Variants in XRN1 observed in about 807,000 individuals in gnomAD.
XRN1 encodes 5'-3' exoribonuclease 1.
In XRN1, 67 loss-of-function variants were observed where a neutral mutation model predicts 222.3. The ratio of observed to expected loss-of-function variants is 0.30; its 90% CI spans 0.25 to 0.37. The LOEUF is 0.37. Among genes scored for constraint, XRN1 ranks in the 10% least tolerant of loss-of-function variants. The pLI, the probability that XRN1 is intolerant of heterozygous loss-of-function variation, is 1.00. For synonymous variants in XRN1, 643 were observed against 652.4 expected (o/e 0.99, Z 0.22); for missense variants, 1,707 against 2,000.2 (o/e 0.85, Z 2.80).
At chr3:142,383,544 G>A in intron 21 of XRN1, 131 bp from the exon 22 acceptor site, 2 of 746,452 alleles carry the variant, frequency 2.7e-6, no homozygotes, top group Admixed American at 2.9e-5. Flanking sequence ...AATGCCAAGA[G>A]CTAAAATTTG....
At chr3:142,362,206 C>T (rs558860976) in intron 29 of XRN1, among the ~76,000 whole-genome samples, 89 of 152,032 alleles carry the variant, frequency 5.9e-4, no homozygotes, top group African/African-American at 1.8e-3. Flanking sequence ...GGCATGATCT[C>T]GGCTCACTGC....
intron 32 of XRN1, among the ~76,000 whole-genome samples, chr3:142,352,685 G>A (rs1044788683): frequency 7.4e-4 from 113 of 152,090 alleles, no homozygotes; most frequent in African/African-American, 2.5e-3. Flanking sequence ...TGTCATCCAG[G>A]CTGGAGAGCA....
chr3:142,367,069 C>T (rs1430635245), intron 27 of XRN1, among the ~76,000 whole-genome samples: 1 of 152,160 alleles, frequency 6.6e-6, no homozygotes, highest in Non-Finnish European at 1.5e-5. Context: ...AGGTGGATCA[C>T]CTGAAGTCAG....
intron 32 of XRN1, among the ~76,000 whole-genome samples, chr3:142,351,628 G>C (rs770710616): frequency 6.6e-6 from 1 of 151,892 alleles, no homozygotes; most frequent in Non-Finnish European, 1.5e-5. Context: ...ACTCCCTCCC[G>C]CTCTCTTAAT....
intron 15 of XRN1, among the ~76,000 whole-genome samples, chr3:142,407,015 T>C (rs996463478): frequency 6.6e-6 from 1 of 152,226 alleles, no homozygotes; most frequent in East Asian, 1.9e-4. Context: ...ATTCACTCCT[T>C]GAAAACAGTG....
intron 35 of XRN1, 74 bp downstream of exon 35, chr3:142,332,893 C>G: frequency 6.4e-7 from 1 of 1,554,932 alleles, no homozygotes; most frequent in Non-Finnish European, 8.7e-7. Flanking sequence ...TGTTTGAACA[C>G]TTGCATGGGA....
intron 32 of XRN1, among the ~76,000 whole-genome samples, chr3:142,349,059 C>T (rs1449448042): frequency 2.0e-5 from 3 of 152,050 alleles, no homozygotes; most frequent in African/African-American, 4.8e-5. Flanking sequence ...TTCAAGTGAT[C>T]CTCCTGCCTC....
intron 19 of XRN1, among the ~76,000 whole-genome samples, chr3:142,399,669 GA>G (rs1338639106): frequency 1.3e-5 from 2 of 150,832 alleles, no homozygotes; most frequent in Non-Finnish European, 3.0e-5. Flanking sequence ...GCCAACAAAG[GA>G]AAAAAACCGT....
intron 13 of XRN1, 124 bp downstream of exon 13, chr3:142,417,016 G>T (rs2068814561): frequency 2.4e-5 from 7 of 294,592 alleles, no homozygotes; most frequent in Admixed American, 1.4e-4. Context: ...GCAACAGAGT[G>T]AAAAAAAAAA....
rs771801638 is a variant in XRN1, at chr3:142,418,900, C to A, written c.1174-19G>T. 4.3e-6 allele frequency: 7 copies of A among 1,610,316 alleles called. No homozygotes were observed. In the South Asian group the frequency reaches 6.6e-5, roughly 15 times the overall value. ...CCTGGCCCTGTAAATTGTAAATCAA[C>A]ATAAAATGAATGGCAAGATACATTT... On this transcript the variant is annotated intron_variant, in intron 10 of 40. Coordinates refer to ENST00000392981, the MANE Select transcript of XRN1 (RefSeq NM_001282857.2).
intron 20 of XRN1, among the ~76,000 whole-genome samples, chr3:142,385,011 T>C (rs954921904): frequency 6.6e-6 from 1 of 152,160 alleles, no homozygotes; most frequent in Non-Finnish European, 1.5e-5. Context: ...AACTGGAACA[T>C]CTGTACATTA....
At chr3:142,349,424 G>A (rs2066243567) in intron 32 of XRN1, among the ~76,000 whole-genome samples, 1 of 151,920 alleles carries the variant, frequency 6.6e-6, no homozygotes, top group Non-Finnish European at 1.5e-5. Flanking sequence ...TATGTGCCAG[G>A]TATGGTAAAT....
intron 37 of XRN1, among the ~76,000 whole-genome samples, chr3:142,321,543 T>G (rs1053273522): frequency 2.6e-5 from 4 of 152,196 alleles, no homozygotes; most frequent in African/African-American, 9.7e-5. Context: ...TGCACTGAAT[T>G]TGTAGACTGC....
intron 1 of XRN1, among the ~76,000 whole-genome samples, chr3:142,442,895 G>A (rs1019050568): frequency 6.6e-6 from 1 of 152,074 alleles, no homozygotes; most frequent in Admixed American, 6.5e-5. Context: ...CACGACGCCC[G>A]GCTAATTTTT....
At chr3:142,431,907 TA>T (rs1269234530) in intron 2 of XRN1, among the ~76,000 whole-genome samples, 20 of 46,186 alleles carry the variant, frequency 4.3e-4, no homozygotes, top group African/African-American at 1.9e-3. Flanking sequence ...ATATATTATA[TA>T]TATAAATATA....
In XRN1 at chr3:142,365,159, T is replaced by C; in HGVS notation, c.3282A>G (p.Gly1094=). 2 of 1,612,344 alleles carry C rather than the reference T, an allele frequency of 1.2e-6. No individual in the cohort carries two copies. Among genetic ancestry groups the C allele is most frequent in the Non-Finnish European group, 1.7e-6 (2 of 1,179,236 alleles). The change falls in exon 29 of 41, where the codon GGA becomes GGG. Residue 1094 remains glycine, a synonymous_variant. Transcript: ENST00000392981. ...ATTCTGCATCCCGATCAGGAATGAC[T>C]CCATGTTGCTGTTCTAAAGGCTGAA... ...LLYRPLEQQH[G]VIPDRDAEFC...
At chr3:142,366,663 T>TC (rs1162954432) in intron 27 of XRN1, among the ~76,000 whole-genome samples, 1 of 152,080 alleles carries the variant, frequency 6.6e-6, no homozygotes, top group Non-Finnish European at 1.5e-5. Flanking sequence ...GAGTGAACAG[T>TC]GAAGGCCTTA....
intron 8 of XRN1, among the ~76,000 whole-genome samples, chr3:142,422,209 C>T (rs962024399): frequency 2.0e-5 from 3 of 152,050 alleles, no homozygotes; most frequent in African/African-American, 7.2e-5. Flanking sequence ...GTGACACATG[C>T]CTGTAATCCC....
At chr3:142,341,355 A>G (rs2065989013) in intron 33 of XRN1, among the ~76,000 whole-genome samples, 1 of 152,130 alleles carries the variant, frequency 6.6e-6, no homozygotes, top group African/African-American at 2.4e-5. Context: ...CCTTCACTAA[A>G]AGGAAGCTAG....
Sources: allele counts gnomAD v4.1 joint callset (sites outside exome capture counted in the v4.1 genomes callset), GRCh38; gene constraint gnomAD v4.1.1; transcripts MANE v1.5; gene names NCBI Gene and HGNC (gene_info 2026-07-23, HGNC 2026-07-21).